ECT2L: variants seen among roughly 807,000 people sequenced by gnomAD.
ECT2L encodes epithelial cell-transforming sequence 2 oncogene-like.
Under a neutral mutation model 122.8 loss-of-function variants are expected in ECT2L, and 126 were observed. The observed-to-expected ratio is 1.03, with a 90% CI of 0.89 to 1.19. The LOEUF (loss-of-function observed/expected upper bound fraction) is 1.19. Ranked by LOEUF, ECT2L falls within the 50% of genes most tolerant of loss-of-function variation. The pLI is 0.00. For missense variants in ECT2L, 1,012 were observed against 1,064.1 expected, an observed-to-expected ratio of 0.95 and a Z score of 0.68; for synonymous variants, 385 against 381.8, an observed-to-expected ratio of 1.01 and a Z score of -0.10.
chr6:138,811,342 T>G (rs1775885528), intron 1 of ECT2L, among the ~76,000 whole-genome samples: 1 of 152,202 alleles, frequency 6.6e-6, no homozygotes, highest in Admixed American at 6.5e-5. Flanking sequence ...CTGCAGGGCC[T>G]TCAGTGAGAC....
chr6:138,881,187 G>GT lies in ECT2L; in HGVS notation c.1880+17dup. On this transcript the variant is annotated intron_variant, in intron 15 of 21. Coordinates refer to ENST00000541398, the MANE Select transcript of ECT2L (RefSeq NM_001077706.3). ...GTCTCAACAGGTAAACCCTGAATAT[G>GT]TATTTTTTTTAATATTCATTGTGCA... 1 of 1,606,308 alleles carries GT rather than the reference G, an allele frequency of 6.2e-7. No homozygotes were observed. The highest frequency in any genetic ancestry group is 1.3e-5 in the African/African-American group (1 of 74,618).
At chr6:138,817,565 C>G (rs1258895591) in intron 4 of ECT2L, among the ~76,000 whole-genome samples, 2 of 152,076 alleles carry the variant, frequency 1.3e-5, no homozygotes, top group African/African-American at 2.4e-5. Context: ...CAGTTATAAA[C>G]AGGGTATTGC....
chr6:138,805,741 A>G (rs967662481), intron 1 of ECT2L, among the ~76,000 whole-genome samples: 1 of 152,192 alleles, frequency 6.6e-6, no homozygotes, highest in Non-Finnish European at 1.5e-5. Flanking sequence ...GCTTATTTAC[A>G]TGGCAGCTGG....
chr6:138,815,202 C>T (rs1035744215), intron 4 of ECT2L, among the ~76,000 whole-genome samples: 38 of 152,202 alleles, frequency 2.5e-4, no homozygotes, highest in African/African-American at 8.9e-4. Flanking sequence ...AATGAATACC[C>T]TAGGGGTCAT....
rs181860583 is a variant in ECT2L, at chr6:138,824,798, C to A, written c.179+10195C>A. Among the ~76,000 whole-genome samples the A allele has an allele frequency of 3.4e-3, 516 of 152,278 alleles. 1 individual carries two copies. The highest frequency in any genetic ancestry group is 9.9e-3 in the Admixed American group (151 of 15,292). On this transcript the variant is annotated intron_variant, in intron 4 of 21. Transcript: ENST00000541398. ...TGTCACTCTAAAACTCCACTATCATCACCTGATCTGGTTGCCTGTGTTGTT... is the reference window on the plus strand; with the variant it reads ...TGTCACTCTAAAACTCCACTATCATAACCTGATCTGGTTGCCTGTGTTGTT...
intron 13 of ECT2L, among the ~76,000 whole-genome samples, chr6:138,868,573 T>C (rs1778133430): frequency 6.6e-6 from 1 of 151,734 alleles, no homozygotes; most frequent in African/African-American, 2.4e-5. Flanking sequence ...TCAGGAGAAA[T>C]CTGAGAAAGT....
intron 4 of ECT2L, among the ~76,000 whole-genome samples, chr6:138,818,557 G>A (rs1036345161): frequency 1.3e-5 from 2 of 152,152 alleles, no homozygotes; most frequent in African/African-American, 2.4e-5. Context: ...ATGGTAAAGA[G>A]GTTAAAGAAG....
At chr6:138,852,566 C>T (rs538607196) in intron 9 of ECT2L, among the ~76,000 whole-genome samples, 32 of 152,144 alleles carry the variant, frequency 2.1e-4, no homozygotes, top group South Asian at 4.1e-4. Context: ...CTGAGACACC[C>T]GTCAAATTGC....
At chr6:138,805,022 ACCTT>A (rs1002729867) in intron 1 of ECT2L, among the ~76,000 whole-genome samples, 2 of 152,110 alleles carry the variant, frequency 1.3e-5, no homozygotes, top group African/African-American at 4.8e-5. Flanking sequence ...CCACAGGTAA[ACCTT>A]ATCTTGACGT....
chr6:138,862,427 T>G (rs1249856456), intron 10 of ECT2L, among the ~76,000 whole-genome samples, 200 bp from the exon 11 acceptor site: 1 of 151,868 alleles, frequency 6.6e-6, no homozygotes, highest in Non-Finnish European at 1.5e-5. Context: ...GAACTCAGAG[T>G]GAGAACTCAC....
At chr6:138,799,323 G>C (rs1775451379) in intron 1 of ECT2L, among the ~76,000 whole-genome samples, 1 of 151,582 alleles carries the variant, frequency 6.6e-6, no homozygotes, top group Admixed American at 6.6e-5. Context: ...GCACGATCTC[G>C]GCTCACTGCA....
intron 3 of ECT2L, among the ~76,000 whole-genome samples, chr6:138,814,240 C>T (rs1341886996): frequency 1.3e-5 from 2 of 152,170 alleles, no homozygotes; most frequent in South Asian, 4.1e-4. Flanking sequence ...TCTTGGGCCC[C>T]TCTATAATTA....
At chr6:138,800,827 A>G (rs540927513) in intron 1 of ECT2L, among the ~76,000 whole-genome samples, 2 of 152,358 alleles carry the variant, frequency 1.3e-5, no homozygotes, top group South Asian at 4.1e-4. Context: ...TATAAAGAAT[A>G]GGAATGTATT....
chr6:138,830,095 GTTTGT>G (rs1431259772), intron 4 of ECT2L, among the ~76,000 whole-genome samples: 14 of 152,166 alleles, frequency 9.2e-5, no homozygotes, highest in Non-Finnish European at 1.5e-5. Context: ...ACACAATTAA[GTTTGT>G]TTTGTTTTGC....
chr6:138,885,700 C>A lies in ECT2L; in HGVS notation c.2129C>A (p.Ser710Tyr). The change falls in exon 18 of 22, where the codon TCC becomes TAC. Residue 710 changes from serine (S) to tyrosine (Y), a missense_variant. Physicochemically the swap from Ser to Tyr is moderately radical, Grantham distance 144. Coordinates refer to ENST00000541398, the MANE Select transcript of ECT2L (RefSeq NM_001077706.3). Reference protein sequence around the residue: ...LSLPELLLYPSRRFEEYLNLL... With the variant: ...LSLPELLLYPYRRFEEYLNLL... The stretch of plus-strand genomic sequence containing the variant: ...CTGCCAGAGCTGCTGCTGTACCCAT[C>A]CCGAAGATTTGAAGAATACCTTAAT... 6.2e-7 allele frequency: 1 copy of A among 1,614,134 alleles called. No homozygotes were observed. The highest frequency in any genetic ancestry group is 8.5e-7 in the Non-Finnish European group (1 of 1,180,012).
In ECT2L at chr6:138,852,428, A is replaced by G. The variant is rs2128394650; in HGVS notation, c.1070-1598A>G. On this transcript the variant is annotated intron_variant, in intron 9 of 21. Transcript: ENST00000541398. ...ATAGCTTGCATTGTTCCTTGCTTAT[A>G]CTTAAAGTAAAATTGTTTTAAAACT... 2.0e-5 allele frequency among the ~76,000 whole-genome samples: 3 copies of G among 151,530 alleles called. 1 individual carries two copies. Among genetic ancestry groups the G allele is most frequent in the Middle Eastern group, 3.4e-3 (1 of 294 alleles).
rs756674110 is a variant in ECT2L, at chr6:138,838,473, G to A, written c.301G>A (p.Ala101Thr). 28 of 1,613,204 alleles carry A rather than the reference G, an allele frequency of 1.7e-5. No individual in the cohort carries two copies. The highest frequency in any genetic ancestry group is 5.5e-5 in the South Asian group (5 of 90,928). Residue 101 changes from alanine to threonine, a missense_variant, in exon 5 of 22, where the codon GCT (alanine) becomes ACT (threonine). Physicochemically the swap from Ala to Thr is moderately conservative, Grantham distance 58. Coordinates refer to ENST00000541398, the MANE Select transcript of ECT2L (RefSeq NM_001077706.3). ...SFLSPKDLCA[A>T]AQVSWPWKFL... is the part of the protein sequence containing the mutation. Reference sequence around the variant, plus strand: ...TTTGAGTCCGAAAGATTTGTGTGCCGCTGCCCAAGTCAGCTGGCCCTGGAA... The same window carrying A: ...TTTGAGTCCGAAAGATTTGTGTGCCACTGCCCAAGTCAGCTGGCCCTGGAA...
In ECT2L at chr6:138,903,889, C is replaced by G. The variant is rs548235738; in HGVS notation, c.*1262C>G. The stretch of plus-strand genomic sequence containing the variant: ...TTCTTCAAATTCTTGTTTACAGTAA[C>G]AAAGTCTATCGGTGCAGTTTAGGAC... On this transcript the variant is annotated 3_prime_UTR_variant, in exon 22 of 22. Coordinates refer to ENST00000541398, the MANE Select transcript of ECT2L (RefSeq NM_001077706.3). The G allele has an allele frequency of 6.6e-6, 1 of 152,140 alleles. No homozygotes were observed. Among genetic ancestry groups the G allele is most frequent in the Non-Finnish European group, 1.5e-5 (1 of 68,006 alleles). The allele number at this position is 152,140 out of a possible 1,614,324, so 9.4% of individuals were successfully genotyped here.
intron 8 of ECT2L, among the ~76,000 whole-genome samples, chr6:138,848,401 T>C (rs918026112): frequency 1.3e-5 from 2 of 152,152 alleles, no homozygotes; most frequent in African/African-American, 4.8e-5. Context: ...TGAAGTTATA[T>C]ATTTTAATTT....
Sources: gnomAD v4.1 joint callset for allele counts (sites outside exome capture counted in the v4.1 genomes callset) on GRCh38, gnomAD v4.1.1 for gene constraint, MANE v1.5 for transcripts, NCBI Gene and HGNC (gene_info 2026-07-23, HGNC 2026-07-21) for gene names.